Variants in AGAP1 observed in about 807,000 individuals in gnomAD.
AGAP1 encodes the protein ArfGAP with GTPase domain, ankyrin repeat and PH domain 1, also known as arf-GAP with GTPase, ANK repeat and PH domain-containing protein 1.
A neutral mutation model predicts 105.3 loss-of-function variants in AGAP1; 29 were observed. The observed-to-expected ratio is 0.28, with a 90% CI of 0.21 to 0.38. The LOEUF is 0.38. AGAP1 is among the 10% of genes least tolerant of loss of function. The probability of loss-of-function intolerance (pLI) is 1.00; values close to 1 mark genes in which losing one functional copy is unlikely to be tolerated. For missense variants in AGAP1, 998 were observed against 1,165.1 expected, an observed-to-expected ratio of 0.86 and a Z score of 2.09; for synonymous variants, 509 against 485.9, an observed-to-expected ratio of 1.05 and a Z score of -0.63.
chr2:235,745,623 G>C (rs1163426813), intron 5 of AGAP1, among the ~76,000 whole-genome samples: 1 of 152,178 alleles, frequency 6.6e-6, no homozygotes, highest in Non-Finnish European at 1.5e-5. Flanking sequence ...CTTCATTTTT[G>C]TTGTGGCTAT....
intron 1 of AGAP1, among the ~76,000 whole-genome samples, chr2:235,648,211 TA>T (rs1453211515): frequency 2.6e-5 from 4 of 152,190 alleles, no homozygotes; most frequent in Non-Finnish European, 5.9e-5. Flanking sequence ...TATCCCCAGC[TA>T]CCTGCCCCTC....
intron 9 of AGAP1, among the ~76,000 whole-genome samples, chr2:235,849,458 T>C (rs1449424386): frequency 7.4e-6 from 1 of 135,358 alleles, no homozygotes; most frequent in African/African-American, 2.9e-5. Flanking sequence ...AACAAGCTAA[T>C]GTTAAGTTTT....
intron 9 of AGAP1, among the ~76,000 whole-genome samples, chr2:235,844,928 G>A (rs971210298): frequency 3.9e-5 from 6 of 152,060 alleles, no homozygotes; most frequent in Non-Finnish European, 7.4e-5. Context: ...CATCACACTG[G>A]GTAATGATAA....
At position 235,714,773 on chromosome 2, in the gene AGAP1, A is replaced by ATGTT. The variant is rs1010165190; in HGVS notation, c.223-2774_223-2771dup. 6.6e-6 allele frequency among the ~76,000 whole-genome samples: 1 copy of ATGTT among 151,802 alleles called. No homozygotes were observed. Among genetic ancestry groups the ATGTT allele is most frequent in the Non-Finnish European group, 1.5e-5 (1 of 67,958 alleles). On this transcript the variant is annotated intron_variant, in intron 2 of 17. Transcript: ENST00000304032. This position sits in a 1 kb window ranked among gnomAD's most constrained non-coding sequence, Gnocchi z 4.1. ...TGTCATGCCAAATTTGTTCTCTTAT[A>ATGTT]TGTTTGTTTGTTTTCTTTTTTGTTG...
intron 1 of AGAP1, among the ~76,000 whole-genome samples, chr2:235,589,909 C>G (rs1328616390): frequency 6.6e-6 from 1 of 151,042 alleles, no homozygotes; most frequent in African/African-American, 2.4e-5. Context: ...GAGATGGTAT[C>G]TCGTTCTGTC....
At chr2:235,802,769 A>ATGGTGG (rs1957566714) in intron 8 of AGAP1, among the ~76,000 whole-genome samples, 1 of 93,792 alleles carries the variant, frequency 1.1e-5, no homozygotes. Flanking sequence ...TGTGGTTGTG[A>ATGGTGG]TGATGGTTGT....
At chr2:235,829,779 G>A (rs1406089502) in intron 9 of AGAP1, among the ~76,000 whole-genome samples, 1 of 152,188 alleles carries the variant, frequency 6.6e-6, no homozygotes, top group East Asian at 1.9e-4. Flanking sequence ...CTCTGTGCTG[G>A]GCTCTGTGGA....
At chr2:235,573,673 C>T (rs1248769711) in intron 1 of AGAP1, among the ~76,000 whole-genome samples, 1 of 152,220 alleles carries the variant, frequency 6.6e-6, no homozygotes, top group Non-Finnish European at 1.5e-5. Context: ...CACTGGAGGA[C>T]AGAATTCTGG....
Position 235,578,761 on chromosome 2 carries a change from G to A in AGAP1, c.163+83912G>A, listed in dbSNP as rs1226918261. On this transcript the variant is annotated intron_variant, in intron 1 of 17. Coordinates refer to ENST00000304032, the MANE Select transcript of AGAP1 (RefSeq NM_001037131.3). This position sits in a 1 kb window ranked among gnomAD's most constrained non-coding sequence, Gnocchi z 4.9. The stretch of plus-strand genomic sequence containing the variant: ...CATTGTGCCACTGCACTCCAGCCTG[G>A]GCAATACAGCGAGACTCAGTCTCAA... 1.3e-5 allele frequency among the ~76,000 whole-genome samples: 2 copies of A among 150,492 alleles called. No individual in the cohort carries two copies. The highest frequency in any genetic ancestry group is 2.9e-5 in the Non-Finnish European group (2 of 67,820).
In AGAP1 at chr2:235,769,230, C is replaced by T. The variant is rs537629556; in HGVS notation, c.673+18742C>T. Among the ~76,000 whole-genome samples the T allele has an allele frequency of 2.0e-5, 3 of 152,322 alleles. No homozygotes were observed. The East Asian group carries it at 5.8e-4, about 29-fold the overall frequency. On this transcript the variant is annotated intron_variant, in intron 6 of 17. Transcript: ENST00000304032. This position sits in a 1 kb window ranked among gnomAD's most constrained non-coding sequence, Gnocchi z 4.4. ...GTCTTTTGTCCCCCAGTGCCTGGCA[C>T]GGTGCCCTCCAGGAGTACTCCTGGG...
rs188779202 is a variant in AGAP1 at position 235,770,381 on chromosome 2, C to T, written c.673+19893C>T. Reference sequence around the variant, plus strand: ...CGATCTCCTGACCTCATGATCTGCCCACCTCGGCCTCCCAAAGTGCTGGGA... The same window carrying T: ...CGATCTCCTGACCTCATGATCTGCCTACCTCGGCCTCCCAAAGTGCTGGGA... On this transcript the variant is annotated intron_variant, in intron 6 of 17. Transcript: ENST00000304032. Among the ~76,000 whole-genome samples the T allele has an allele frequency of 6.2e-4, 95 of 152,114 alleles. No homozygotes were observed. The East Asian group carries it at 0.011, about 18-fold the overall frequency.
chr2:235,886,090 A>G (rs965228577), intron 10 of AGAP1, among the ~76,000 whole-genome samples: 1 of 152,124 alleles, frequency 6.6e-6, no homozygotes, highest in African/African-American at 2.4e-5. Context: ...CATCAGAACA[A>G]CAGCGAGGCA....
chr2:235,657,345 C>T (rs1428554700), intron 1 of AGAP1, among the ~76,000 whole-genome samples: 1 of 152,128 alleles, frequency 6.6e-6, no homozygotes. Flanking sequence ...CACACTGAAT[C>T]TTCCCATTAC....
At chr2:235,759,525 C>T (rs749340588) in intron 6 of AGAP1, among the ~76,000 whole-genome samples, 24 of 152,288 alleles carry the variant, frequency 1.6e-4, no homozygotes, top group Admixed American at 5.2e-4. Context: ...AGATGGTCTC[C>T]AGAAGAGCCA....
intron 1 of AGAP1, chr2:235,505,910 C>CT (rs1206078057): frequency 6.9e-6 from 1 of 145,450 alleles, no homozygotes; most frequent in Non-Finnish European, 1.5e-5. Context: ...GAGGGGAGTG[C>CT]TTTTTTTAAA....
intron 16 of AGAP1, among the ~76,000 whole-genome samples, chr2:236,064,003 A>G (rs997629247): frequency 3.5e-4 from 53 of 152,226 alleles, no homozygotes; most frequent in African/African-American, 1.2e-3. Flanking sequence ...TGACTTACCT[A>G]TAAGTCTCTC....
chr2:236,075,226 A>T (rs571430975), intron 16 of AGAP1, among the ~76,000 whole-genome samples: 27 of 152,252 alleles, frequency 1.8e-4, no homozygotes, highest in Non-Finnish European at 3.8e-4. Flanking sequence ...GTTCTAAACC[A>T]GATTCTGGTG....
chr2:236,029,199 T>C (rs2057147679), intron 13 of AGAP1, among the ~76,000 whole-genome samples: 1 of 151,882 alleles, frequency 6.6e-6, no homozygotes, highest in African/African-American at 2.4e-5. Context: ...TTTTTTTGTT[T>C]ACATATTTAT....
intron 8 of AGAP1, among the ~76,000 whole-genome samples, chr2:235,806,426 G>A (rs1957836670): frequency 6.6e-6 from 1 of 152,150 alleles, no homozygotes; most frequent in Admixed American, 6.5e-5. Flanking sequence ...CATCGAGAGA[G>A]GAGACTGAGA....
Sources: gnomAD v4.1 joint callset for allele counts (sites outside exome capture counted in the v4.1 genomes callset) on GRCh38, gnomAD v4.1.1 for gene constraint, Gnocchi (gnomAD v3.1) non-coding constraint, MANE v1.5 for transcripts, NCBI Gene and HGNC (gene_info 2026-07-23, HGNC 2026-07-21) for gene names.